Variants in LPCAT1 observed in about 807,000 individuals in gnomAD.
The protein encoded by LPCAT1 is 1-acylglycerol-3-phosphate O-acyltransferase.
Under a neutral mutation model 60.9 loss-of-function variants are expected in LPCAT1, and 23 were observed. That is an observed-to-expected ratio of 0.38 (90% CI 0.27 to 0.53). LPCAT1 has a LOEUF of 0.53. Ranked by LOEUF, LPCAT1 falls within the 20% of genes least tolerant of loss-of-function variation. The pLI is 0.82. For synonymous variants in LPCAT1, 340 were observed against 301.1 expected (o/e 1.13, Z -1.34); for missense variants, 622 against 723.6 (o/e 0.86, Z 1.61).
rs943950975 is a variant in LPCAT1, at chr5:1,483,792, G to A, written c.668-306C>T. 1.3e-5 allele frequency among the ~76,000 whole-genome samples: 2 copies of A among 149,632 alleles called. No homozygotes were observed. Among genetic ancestry groups the A allele is most frequent in the Non-Finnish European group, 3.0e-5 (2 of 67,618 alleles). On this transcript the variant is annotated intron_variant, in intron 5 of 13. Coordinates refer to ENST00000283415, the MANE Select transcript of LPCAT1 (RefSeq NM_024830.5). The surrounding 1 kb of genome is among the most constrained non-coding windows in gnomAD (Gnocchi z 9.2). ...CACTTGCTATTATAACATTGCGCACGAGCTGGAAGACATCCGTGGAGGGAC... is the reference window on the plus strand; with the variant it reads ...CACTTGCTATTATAACATTGCGCACAAGCTGGAAGACATCCGTGGAGGGAC...
intron 4 of LPCAT1, 59 bp from the exon 5 acceptor site, chr5:1,488,510 C>T: frequency 1.7e-6 from 2 of 1,149,844 alleles, no homozygotes; most frequent in Non-Finnish European, 2.5e-6. Flanking sequence ...TAATTCAGAA[C>T]TTACAGAAGC....
rs374795130 is a variant in LPCAT1 at position 1,521,332 on chromosome 5, A to G, written c.135+2378T>C. 1.2e-3 allele frequency: 1,134 copies of G among 985,414 alleles called. 6 individuals are homozygous for G. In the Middle Eastern group the frequency reaches 0.016, roughly 14 times the overall value. 61.0% of individuals were successfully genotyped at this position (985,414 alleles called of 1,614,324 possible). Reference sequence around the variant, plus strand: ...CCCAGGCGGCAAATGCTCACAGGTAAATGCAGGTACTCACTGGTTTATCTC... The same window carrying G: ...CCCAGGCGGCAAATGCTCACAGGTAGATGCAGGTACTCACTGGTTTATCTC... On this transcript the variant is annotated intron_variant, in intron 1 of 13. Transcript: ENST00000283415. This position sits in a 1 kb window ranked among gnomAD's most constrained non-coding sequence, Gnocchi z 4.3.
intron 1 of LPCAT1, among the ~76,000 whole-genome samples, chr5:1,512,602 G>T (rs1736390480): frequency 6.6e-6 from 1 of 152,218 alleles, no homozygotes; most frequent in Non-Finnish European, 1.5e-5. Flanking sequence ...TTGGAATGAG[G>T]CTGTGCCCTG....
rs769756864 is a variant in LPCAT1 at position 1,474,652 on chromosome 5, G to A, written c.933C>T (p.Phe311=). ...ALGVSVTDYT[F]EDCQLALAEG... ...CCGCCAGGGCCAGCTGGCAGTCCTC[G>A]AACGTGTAGTCAGTCACGGAGACAC... The change falls in exon 10 of 14, where the codon TTC becomes TTT. Residue 311 remains phenylalanine, a synonymous_variant. Coordinates refer to ENST00000283415, the MANE Select transcript of LPCAT1 (RefSeq NM_024830.5). 1.3e-5 allele frequency: 21 copies of A among 1,613,762 alleles called. No individual in the cohort carries two copies. The highest frequency in any genetic ancestry group is 6.7e-5 in the East Asian group (3 of 44,898).
intron 6 of LPCAT1, among the ~76,000 whole-genome samples, chr5:1,482,253 T>C (rs898937983): frequency 1.1e-4 from 17 of 151,126 alleles, no homozygotes; most frequent in Non-Finnish European, 2.1e-4. Context: ...ACCAAATGAA[T>C]GCCCTGAGCT....
chr5:1,508,308 C>T (rs1039285557), intron 1 of LPCAT1, among the ~76,000 whole-genome samples: 13 of 152,294 alleles, frequency 8.5e-5, no homozygotes, highest in African/African-American at 3.1e-4. Flanking sequence ...TTGAATTTTG[C>T]GCCCCCTTCC....
At chr5:1,485,643 C>T (rs1181550050) in intron 5 of LPCAT1, among the ~76,000 whole-genome samples, 1 of 152,230 alleles carries the variant, frequency 6.6e-6, no homozygotes, top group Admixed American at 6.5e-5. Context: ...CAGCCCACCC[C>T]ACAGGAAGAA....
chr5:1,506,412 C>T (rs947644312), intron 1 of LPCAT1, among the ~76,000 whole-genome samples: 1 of 152,212 alleles, frequency 6.6e-6, no homozygotes, highest in African/African-American at 2.4e-5. Flanking sequence ...TTCTATGACC[C>T]CGCACCTTCT....
In LPCAT1 at chr5:1,462,130, T is replaced by A. The variant is rs1354303688; in HGVS notation, c.*1521A>T. 1 of 152,538 alleles carries A rather than the reference T, an allele frequency of 6.6e-6. No homozygotes were observed. Among genetic ancestry groups the A allele is most frequent in the East Asian group, 1.9e-4 (1 of 5,196 alleles). The allele number at this position is 152,538 out of a possible 1,614,324, so 9.4% of individuals were successfully genotyped here. A position where few individuals can be genotyped will look rare whatever the true frequency, so the allele number is the denominator to read the frequency against. Reference sequence around the variant, plus strand: ...TATCACGAATCTCTGAGGAAGTTAGTAAACATTTTTTCCCGTACTTACTGG... The same window carrying A: ...TATCACGAATCTCTGAGGAAGTTAGAAAACATTTTTTCCCGTACTTACTGG... On this transcript the variant is annotated 3_prime_UTR_variant, in exon 14 of 14. Coordinates refer to ENST00000283415, the MANE Select transcript of LPCAT1 (RefSeq NM_024830.5).
chr5:1,473,638 G>A (rs1281468202), intron 11 of LPCAT1, among the ~76,000 whole-genome samples: 1 of 152,192 alleles, frequency 6.6e-6, no homozygotes, highest in Non-Finnish European at 1.5e-5. Context: ...TGGTGAGCAG[G>A]GGACCCTGCA....
At position 1,466,764 on chromosome 5, in the gene LPCAT1, C is replaced by T. The variant is rs1262000361; in HGVS notation, c.1405G>A (p.Gly469Arg). The change falls in exon 13 of 14, where the codon GGG becomes AGG. Residue 469 changes from glycine (G) to arginine (R), a missense_variant. Gly to Arg is a moderately radical substitution (Grantham distance 125). Coordinates refer to ENST00000283415, the MANE Select transcript of LPCAT1 (RefSeq NM_024830.5). ...GCGGGCTCACCGAATGTGATCTTCC[C>T]CTTCTCCTCTTGGTCAATGGCTCGG... is the stretch of plus-strand genomic sequence containing the variant. ...LFRAIDQEEKGKITFADFHRF... is the reference protein window; with the variant it reads ...LFRAIDQEEKRKITFADFHRF... 1 of 1,611,978 alleles carries T rather than the reference C, an allele frequency of 6.2e-7. No individual in the cohort carries two copies. The highest frequency in any genetic ancestry group is 1.3e-5 in the African/African-American group (1 of 74,846).
chr5:1,516,765 G>GCC (rs1736517770), intron 1 of LPCAT1, among the ~76,000 whole-genome samples: 2 of 152,240 alleles, frequency 1.3e-5, no homozygotes, highest in African/African-American at 4.8e-5. Context: ...CCAGGTACCA[G>GCC]CCCCCACCCC....
At chr5:1,479,745 T>C in intron 7 of LPCAT1, 70 bp from the exon 8 acceptor site, 2 of 1,236,156 alleles carry the variant, frequency 1.6e-6, no homozygotes, top group Non-Finnish European at 2.4e-6. Flanking sequence ...CTCCCAATTC[T>C]GGGGTGAAAC....
Position 1,471,066 on chromosome 5 carries a change from TGGAA to T in LPCAT1, c.1180-146_1180-143del, listed in dbSNP as rs146221224. 902 of 656,718 alleles carry T rather than the reference TGGAA, an allele frequency of 1.4e-3. 8 individuals carry two copies. In the African/African-American group the frequency reaches 0.015, roughly 11 times the overall value. 40.7% of individuals were successfully genotyped at this position (656,718 alleles called of 1,614,324 possible). ...ATCTGCCCATGTGAAAAGGGAATCT[TGGAA>T]GGACATTCCACCAAGTGGGTTCTCC... is the stretch of plus-strand genomic sequence containing the variant. On this transcript the variant is annotated intron_variant, in intron 11 of 13. Coordinates refer to ENST00000283415, the MANE Select transcript of LPCAT1 (RefSeq NM_024830.5).
intron 1 of LPCAT1, among the ~76,000 whole-genome samples, chr5:1,503,061 A>G (rs540953197): frequency 6.6e-6 from 1 of 152,240 alleles, no homozygotes; most frequent in Admixed American, 6.5e-5. Context: ...TCACAGCTTT[A>G]TGCCACCTGT....
intron 1 of LPCAT1, among the ~76,000 whole-genome samples, chr5:1,505,333 T>G (rs1736149242): frequency 6.6e-6 from 1 of 151,870 alleles, no homozygotes; most frequent in South Asian, 2.1e-4. Flanking sequence ...AAAATCACAG[T>G]AACCCACGGT....
intron 8 of LPCAT1, 72 bp downstream of exon 8, chr5:1,479,549 G>T: frequency 9.2e-7 from 1 of 1,091,784 alleles, no homozygotes; most frequent in Non-Finnish European, 1.4e-6. Flanking sequence ...GCTTATCTGG[G>T]CATCCTGGTG....
rs573330825 is a variant in LPCAT1 at position 1,489,071 on chromosome 5, G to A, written c.607-620C>T. On this transcript the variant is annotated intron_variant, in intron 4 of 13. Coordinates refer to ENST00000283415, the MANE Select transcript of LPCAT1 (RefSeq NM_024830.5). ...GCCCCGTGAGGAAGACAGACCTCAG[G>A]GGGGCCGGCGTGGGCTCACCCTGGC... Among the ~76,000 whole-genome samples, 12 of 152,348 alleles carry A rather than the reference G, an allele frequency of 7.9e-5. No homozygotes were observed. The East Asian group carries it at 1.9e-3, about 24-fold the overall frequency.
chr5:1,470,064 C>CT (rs1284341364), intron 12 of LPCAT1, among the ~76,000 whole-genome samples: 1 of 152,252 alleles, frequency 6.6e-6, no homozygotes, highest in Non-Finnish European at 1.5e-5. Flanking sequence ...GAAGGGAGTT[C>CT]TTGGAGCGGT....
Sources: allele counts gnomAD v4.1 joint callset (sites outside exome capture counted in the v4.1 genomes callset), GRCh38; gene constraint gnomAD v4.1.1; non-coding constraint Gnocchi (gnomAD v3.1); transcripts MANE v1.5; gene names NCBI Gene and HGNC (gene_info 2026-07-23, HGNC 2026-07-21).